ZNF529: variants seen among roughly 807,000 people sequenced by gnomAD.
The protein encoded by ZNF529 is zinc finger protein 529.
Under a neutral mutation model 10.1 loss-of-function variants are expected in ZNF529, and 11 were observed. That is an observed-to-expected ratio of 1.09 (90% CI 0.69 to 1.81). The LOEUF is 1.81. ZNF529 is among the 40% of genes most tolerant of loss of function. The pLI, the probability that ZNF529 is intolerant of heterozygous loss-of-function variation, is 0.00. For missense variants in ZNF529, 624 were observed against 666.8 expected, an observed-to-expected ratio of 0.94 and a Z score of 0.71; for synonymous variants, 204 against 215.7, an observed-to-expected ratio of 0.95 and a Z score of 0.47.
chr19:36,550,869 G>A (rs1387237504), intron 4 of ZNF529, among the ~76,000 whole-genome samples: 2 of 152,048 alleles, frequency 1.3e-5, no homozygotes, highest in Non-Finnish European at 2.9e-5. Flanking sequence ...GAATTTCTTG[G>A]TAAAGGAATA....
At position 36,546,812 on chromosome 19, in the gene ZNF529, C is replaced by A; in HGVS notation, c.*54G>T. The A allele has an allele frequency of 1.3e-6, 2 of 1,533,822 alleles. No individual in the cohort carries two copies. On this transcript the variant is annotated 3_prime_UTR_variant, in exon 5 of 5. Coordinates refer to ENST00000591340, the MANE Select transcript of ZNF529 (RefSeq NM_020951.5). ...TGCCTTGATTACCTATTAAATCCAT[C>A]CACAGTATTTTCCTGTGAAAATCAG...
At chr19:36,565,800 T>C (rs2035875300) in intron 2 of ZNF529, among the ~76,000 whole-genome samples, 1 of 152,168 alleles carries the variant, frequency 6.6e-6, no homozygotes, top group Non-Finnish European at 1.5e-5. Flanking sequence ...ATTTCCCCAA[T>C]ATGATTTAAA....
At chr19:36,564,604 T>G (rs2035828762) in intron 2 of ZNF529, among the ~76,000 whole-genome samples, 1 of 152,214 alleles carries the variant, frequency 6.6e-6, no homozygotes, top group Non-Finnish European at 1.5e-5. Flanking sequence ...TAACAGATGT[T>G]GGTGAGGCTG....
At chr19:36,561,917 T>C (rs367839997) in intron 2 of ZNF529, among the ~76,000 whole-genome samples, 2 of 152,336 alleles carry the variant, frequency 1.3e-5, no homozygotes, top group South Asian at 4.1e-4. Flanking sequence ...ACCCATACTT[T>C]CTTATTTATC....
rs976004773 is a variant in ZNF529 at position 36,546,144 on chromosome 19, CTATA to C, written c.*718_*721del. Reference sequence around the variant, plus strand: ...ACATCACACACATATACATCACACACTATATACACACATATAGTATATGTGATAT... The same window carrying C: ...ACATCACACACATATACATCACACACTACACACATATAGTATATGTGATAT... On this transcript the variant is annotated 3_prime_UTR_variant, in exon 5 of 5. Coordinates refer to ENST00000591340, the MANE Select transcript of ZNF529 (RefSeq NM_020951.5). 1.3e-5 allele frequency: 2 copies of C among 148,610 alleles called. No individual in the cohort carries two copies. The highest frequency in any genetic ancestry group is 4.9e-5 in the African/African-American group (2 of 40,454). 9.2% of individuals were successfully genotyped at this position (148,610 alleles called of 1,614,324 possible). A position where few individuals can be genotyped will look rare whatever the true frequency, so the allele number is the denominator to read the frequency against.
intron 2 of ZNF529, among the ~76,000 whole-genome samples, chr19:36,570,360 C>CAAAAAAAAAAAAAAAAAAAA (rs58429405): frequency 5.7e-5 from 4 of 70,584 alleles, no homozygotes; most frequent in South Asian, 4.7e-4. Context: ...GACCCTATCT[C>CAAAAAAAAAAAAAAAAAAAA]AAAAAAAAAA....
At chr19:36,589,678 T>C (rs1055174570) in exon 2 of ZNF529, 1 of 152,000 alleles carries the variant, frequency 6.6e-6, no homozygotes, top group African/African-American at 2.4e-5. Flanking sequence ...CTGGTGTTGA[T>C]TTTTAACATC....
chr19:36,567,918 A>G (rs2035957393), intron 2 of ZNF529, among the ~76,000 whole-genome samples: 1 of 152,212 alleles, frequency 6.6e-6, no homozygotes, highest in Non-Finnish European at 1.5e-5. Flanking sequence ...CATATATCTC[A>G]TGAGCATTTA....
intron 2 of ZNF529, among the ~76,000 whole-genome samples, chr19:36,579,254 A>T (rs1367145924): frequency 2.0e-5 from 3 of 152,190 alleles, no homozygotes; most frequent in African/African-American, 7.2e-5. Flanking sequence ...TGAGAAAGCT[A>T]CTTAAAATTG....
chr19:36,544,851 A>T lies in ZNF529; in HGVS notation c.*2015T>A, dbSNP rs2034952518. The T allele has an allele frequency of 6.6e-6, 1 of 152,238 alleles. No individual in the cohort carries two copies. Among genetic ancestry groups the T allele is most frequent in the South Asian group, 2.1e-4 (1 of 4,832 alleles). The allele number at this position is 152,238 out of a possible 1,614,324, so 9.4% of individuals were successfully genotyped here. A position where few individuals can be genotyped will look rare whatever the true frequency, so the allele number is the denominator to read the frequency against. On this transcript the variant is annotated 3_prime_UTR_variant, in exon 5 of 5. Transcript: ENST00000591340. ...ATAGAGTACATAAATTCTGGGAAAG[A>T]CATCAGTTTCAAAAATTAAAATGTA...
chr19:36,554,912 A>G, intron 3 of ZNF529, 116 bp from the exon 4 acceptor site: 2 of 871,288 alleles, frequency 2.3e-6, no homozygotes, highest in Non-Finnish European at 1.6e-6. Flanking sequence ...AGGCCAAAAG[A>G]AGACTGTGAC....
upstream of ZNF529, chr19:36,577,256 G>A (rs147123424): frequency 4.7e-6 from 2 of 425,384 alleles, no homozygotes; most frequent in Admixed American, 2.6e-5. Flanking sequence ...CACCGTGCCC[G>A]GCCCTACTTT....
rs2035034378 is a variant in ZNF529 at position 36,546,691 on chromosome 19, A to AT, written c.*174dup. On this transcript the variant is annotated 3_prime_UTR_variant, in exon 5 of 5. Transcript: ENST00000591340. ...ATATTTGGCAACATCTAACAAAGCT[A>AT]TAAGTATATATCAGCTATGACTAAG... The AT allele has an allele frequency of 4.9e-6, 3 of 609,712 alleles. No homozygotes were observed. Among genetic ancestry groups the AT allele is most frequent in the Non-Finnish European group, 5.2e-6 (2 of 383,626 alleles). 37.8% of individuals were successfully genotyped at this position (609,712 alleles called of 1,614,324 possible).
At position 36,546,992 on chromosome 19, in the gene ZNF529, G is replaced by A. The variant is rs754354128; in HGVS notation, c.1566C>T (p.Thr522=). ...CATCAGTATGAATGCGCTGATGTTT[G>A]GTAAAGGATGAACTATGTCTAAAGG... ...GKAFRHSSSF[T]KHQRIHTDDK... The change falls in exon 5 of 5, where the codon ACC becomes ACT. Residue 522 remains threonine (T), a synonymous_variant. Coordinates refer to ENST00000591340, the MANE Select transcript of ZNF529 (RefSeq NM_020951.5). 1.2e-6 allele frequency: 2 copies of A among 1,613,678 alleles called. No homozygotes were observed. Among genetic ancestry groups the A allele is most frequent in the South Asian group, 2.2e-5 (2 of 91,058 alleles).
intron 4 of ZNF529, among the ~76,000 whole-genome samples, chr19:36,548,925 C>T (rs1159121750): frequency 1.3e-5 from 2 of 152,182 alleles, no homozygotes; most frequent in Non-Finnish European, 2.9e-5. Flanking sequence ...ATTGCTTGAA[C>T]CCAGGAGGTG....
intron 1 of ZNF529, among the ~76,000 whole-genome samples, chr19:36,602,781 C>T (rs1296316331): frequency 1.3e-5 from 2 of 151,864 alleles, no homozygotes; most frequent in African/African-American, 4.8e-5. Context: ...AAATACAAAA[C>T]TAGCCAGGCA....
At chr19:36,575,563 A>C (rs1013327511), upstream of ZNF529, among the ~76,000 whole-genome samples, 2 of 152,026 alleles carry the variant, frequency 1.3e-5, no homozygotes, top group Admixed American at 1.3e-4. Flanking sequence ...AATACTAAAA[A>C]TCACAAAGTC....
chr19:36,585,284 GT>G (rs1274144067), intron 2 of ZNF529, among the ~76,000 whole-genome samples: 1 of 152,206 alleles, frequency 6.6e-6, no homozygotes, highest in Non-Finnish European at 1.5e-5. Context: ...TGAGTGGGAA[GT>G]TTTTGTGACG....
chr19:36,581,000 A>G (rs1057329921), intron 2 of ZNF529: 10 of 152,194 alleles, frequency 6.6e-5, no homozygotes, highest in African/African-American at 2.4e-4. Flanking sequence ...TGGTATCCAC[A>G]AGGTGTCCTG....
Sources: allele counts gnomAD v4.1 joint callset (sites outside exome capture counted in the v4.1 genomes callset), GRCh38; gene constraint gnomAD v4.1.1; transcripts MANE v1.5; gene names NCBI Gene and HGNC (gene_info 2026-07-23, HGNC 2026-07-21).